The following UNC13C variants were observed in gnomAD, a reference collection of about 807,000 sequenced individuals.
UNC13C encodes protein unc-13 homolog C.
In UNC13C, 174 loss-of-function variants were observed where a neutral mutation model predicts 245.4. The ratio of observed to expected loss-of-function variants is 0.71; its 90% CI spans 0.63 to 0.80. The LOEUF (loss-of-function observed/expected upper bound fraction) is 0.80. Among genes scored for constraint, UNC13C ranks in the 30% least tolerant of loss-of-function variants. The pLI is 0.00. For missense variants in UNC13C, 2,829 were observed against 2,602.9 expected (o/e 1.09, Z -1.89); for synonymous variants, 992 against 895.1 (o/e 1.11, Z -1.93).
chr15:54,202,106 T>C (rs1329954063), intron 4 of UNC13C, among the ~76,000 whole-genome samples: 3 of 151,716 alleles, frequency 2.0e-5, no homozygotes, highest in Non-Finnish European at 2.9e-5. Flanking sequence ...AGAATATACC[T>C]AACCAAGAAG....
chr15:54,118,941 T>C (rs1243889828), intron 2 of UNC13C, among the ~76,000 whole-genome samples: 1 of 151,522 alleles, frequency 6.6e-6, no homozygotes, highest in Non-Finnish European at 1.5e-5. Context: ...ATGTATCACA[T>C]TGATTGACAT....
intron 30 of UNC13C, among the ~76,000 whole-genome samples, chr15:54,603,927 T>C (rs1212243261): frequency 6.6e-6 from 1 of 152,160 alleles, no homozygotes; most frequent in Non-Finnish European, 1.5e-5. Flanking sequence ...TTCTTTTTTT[T>C]TCCTCCTACC....
chr15:54,008,435 T>C (rs1895238173), intron 1 of UNC13C, among the ~76,000 whole-genome samples: 2 of 152,230 alleles, frequency 1.3e-5, no homozygotes, highest in South Asian at 4.1e-4. Context: ...TAAATAATAA[T>C]TGAATGTTAT....
At chr15:54,265,628 G>T in intron 10 of UNC13C, 132 bp downstream of exon 10, 1 of 645,838 alleles carries the variant, frequency 1.5e-6, no homozygotes. Context: ...AAAAGTAAAA[G>T]TAATGTTATA....
chr15:54,366,258 GAT>G (rs1364335041), intron 17 of UNC13C, among the ~76,000 whole-genome samples: 1 of 152,122 alleles, frequency 6.6e-6, no homozygotes, highest in Admixed American at 6.5e-5. Flanking sequence ...CTATATAACA[GAT>G]ATATTTCCAT....
At chr15:54,224,787 A>C (rs951213657) in intron 4 of UNC13C, among the ~76,000 whole-genome samples, 1 of 152,120 alleles carries the variant, frequency 6.6e-6, no homozygotes, top group African/African-American at 2.4e-5. Context: ...AGGCTTTTCT[A>C]TGCTCAGAGG....
chr15:54,578,372 G>A (rs953687384), intron 30 of UNC13C, among the ~76,000 whole-genome samples: 2 of 152,080 alleles, frequency 1.3e-5, no homozygotes, highest in East Asian at 3.9e-4. Flanking sequence ...ATCAACAACT[G>A]TATATATGAT....
chr15:54,218,375 T>A (rs1387790862), intron 4 of UNC13C, among the ~76,000 whole-genome samples: 5 of 151,988 alleles, frequency 3.3e-5, no homozygotes, highest in Admixed American at 2.0e-4. Flanking sequence ...AGGGAGGAGA[T>A]ACTTATGGAT....
intron 2 of UNC13C, among the ~76,000 whole-genome samples, chr15:54,113,853 T>G (rs1359921647): frequency 1.3e-5 from 2 of 152,058 alleles, no homozygotes; most frequent in Non-Finnish European, 2.9e-5. Flanking sequence ...TTTAAAAACC[T>G]TTAAGTTTAC....
At chr15:54,172,721 T>A (rs79869123) in intron 4 of UNC13C, among the ~76,000 whole-genome samples, 1,501 of 20,636 alleles carry the variant, frequency 0.073, 91 homozygotes, top group East Asian at 0.25. Context: ...TATATATATA[T>A]ATATATATAT....
At chr15:53,932,599 C>G in the UNC13C span, among the ~76,000 whole-genome samples, 1 of 152,164 alleles carries the variant, frequency 6.6e-6, no homozygotes, top group Non-Finnish European at 1.5e-5. Context: ...GCTTCCATGA[C>G]TCCTATCTCT....
At chr15:54,533,313 A>G (rs1000216395) in intron 26 of UNC13C, among the ~76,000 whole-genome samples, 6 of 152,218 alleles carry the variant, frequency 3.9e-5, no homozygotes, top group African/African-American at 1.4e-4. Flanking sequence ...AAATTTTATA[A>G]CTAAGGAGGT....
intron 4 of UNC13C, among the ~76,000 whole-genome samples, chr15:54,234,406 A>T (rs1462905495): frequency 1.3e-5 from 2 of 152,166 alleles, no homozygotes; most frequent in Non-Finnish European, 2.9e-5. Context: ...GCTATTGATG[A>T]ACATGTAAAT....
At chr15:54,455,958 A>G (rs1307048376) in intron 19 of UNC13C, among the ~76,000 whole-genome samples, 2 of 152,136 alleles carry the variant, frequency 1.3e-5, no homozygotes, top group African/African-American at 2.4e-5. Context: ...ATTGTCTCAA[A>G]GACTTTTTCT....
In UNC13C at chr15:54,275,375, T is replaced by C. The variant is rs144380388; in HGVS notation, c.3818+9879T>C. ...ATTAGGGAAATTCAAATTAAAACTA[T>C]GTGAAAATCACATCATACTTAGTAT... On this transcript the variant is annotated intron_variant, in intron 10 of 32. Coordinates refer to ENST00000260323, the MANE Select transcript of UNC13C (RefSeq NM_001080534.3). 3.6e-3 allele frequency among the ~76,000 whole-genome samples: 551 copies of C among 152,298 alleles called. 3 individuals are homozygous for C. The highest frequency in any genetic ancestry group is 0.013 in the African/African-American group (541 of 41,576).
chr15:54,247,143 G>C (rs964759968), intron 7 of UNC13C, among the ~76,000 whole-genome samples: 16 of 152,026 alleles, frequency 1.1e-4, no homozygotes, highest in Non-Finnish European at 1.9e-4. Context: ...CCTGCCCTTA[G>C]TGTTACTTTT....
the UNC13C span, among the ~76,000 whole-genome samples, chr15:53,846,554 CA>C: frequency 1.3e-5 from 2 of 152,066 alleles, no homozygotes; most frequent in African/African-American, 4.8e-5. Flanking sequence ...ATTTACTTTA[CA>C]GAGTTAGATG....
chr15:54,421,494 C>A (rs937112569), intron 19 of UNC13C, among the ~76,000 whole-genome samples: 1 of 152,014 alleles, frequency 6.6e-6, no homozygotes, highest in Non-Finnish European at 1.5e-5. Flanking sequence ...ATCAGCTAGG[C>A]AGTTGGTGGA....
At chr15:54,020,399 C>G (rs1418862775) in intron 2 of UNC13C, among the ~76,000 whole-genome samples, 4 of 150,002 alleles carry the variant, frequency 2.7e-5, no homozygotes, top group South Asian at 2.1e-4. Context: ...CTCAGCCTCC[C>G]GAGTAGCTGA....
Sources: gnomAD v4.1 joint callset for allele counts (sites outside exome capture counted in the v4.1 genomes callset) on GRCh38, gnomAD v4.1.1 for gene constraint, MANE v1.5 for transcripts, NCBI Gene and HGNC (gene_info 2026-07-23, HGNC 2026-07-21) for gene names.